CENPF: variants seen among roughly 807,000 people sequenced by gnomAD.
CENPF encodes the protein AH antigen.
In CENPF, 214 loss-of-function variants were observed where a neutral mutation model predicts 307.3. The ratio of observed to expected loss-of-function variants is 0.70; its 90% confidence interval spans 0.62 to 0.78. The LOEUF (loss-of-function observed/expected upper bound fraction) is 0.78, where lower values mean the gene tolerates loss of function less well. Ranked by LOEUF, CENPF falls within the 30% of genes least tolerant of loss-of-function variation. The pLI, the probability that CENPF is intolerant of heterozygous loss-of-function variation, is 0.00. For synonymous variants in CENPF, 1,259 were observed against 1,270.6 expected (o/e 0.99, Z 0.19); for missense variants, 3,401 against 3,483.9 (o/e 0.98, Z 0.60).
intron 3 of CENPF, among the ~76,000 whole-genome samples, chr1:214,616,043 G>T (rs572609534): frequency 6.6e-6 from 1 of 152,182 alleles, no homozygotes; most frequent in African/African-American, 2.4e-5. Flanking sequence ...CACTGATTAG[G>T]TTTCTGGAAG....
At chr1:214,655,802 G>T (rs1035021399) in intron 17 of CENPF, among the ~76,000 whole-genome samples, 8 of 152,260 alleles carry the variant, frequency 5.3e-5, no homozygotes, top group Middle Eastern at 6.8e-3. Flanking sequence ...TGTTGCCCAG[G>T]CTGGTCTTGA....
At position 214,658,841 on chromosome 1, in the gene CENPF, T is replaced by TAAAAA; in HGVS notation, c.8963-9_8963-8insAAAAA. On this transcript the variant is annotated splice_polypyrimidine_tract_variant and intron_variant, in intron 18 of 19. Transcript: ENST00000366955. The stretch of plus-strand genomic sequence containing the variant: ...TAGCAGTGCTGACAGTTATTTTTTT[T>TAAAAA]GCCCTTAGGGTTTGCTGACATCCCG... 6.2e-7 allele frequency: 1 copy of TAAAAA among 1,613,044 alleles called. No individual in the cohort carries two copies. Among genetic ancestry groups the TAAAAA allele is most frequent in the Non-Finnish European group, 8.5e-7 (1 of 1,179,342 alleles).
intron 15 of CENPF, among the ~76,000 whole-genome samples, chr1:214,652,627 A>G (rs536749754): frequency 1.5e-4 from 19 of 124,600 alleles, no homozygotes; most frequent in Admixed American, 3.8e-4. Flanking sequence ...TATTTTTAGT[A>G]GAGACAGGGG....
At position 214,641,717 on chromosome 1, in the gene CENPF, G is replaced by A; in HGVS notation, c.3379G>A (p.Gly1127Ser). The A allele has an allele frequency of 1.9e-6, 3 of 1,579,376 alleles. No homozygotes were observed. The highest frequency in any genetic ancestry group is 2.4e-5 in the South Asian group (2 of 84,606). The change falls in exon 12 of 20, where the codon GGT becomes AGT. Residue 1127 changes from glycine (G) to serine (S), a missense_variant. Coordinates refer to ENST00000366955, the MANE Select transcript of CENPF (RefSeq NM_016343.4). Reference sequence around the variant, plus strand: ...AAACAATTCTAAGAGCGAGGCTGGTGGTTTAAAGCAAGAAATCATGACTTT... The same window carrying A: ...AAACAATTCTAAGAGCGAGGCTGGTAGTTTAAAGCAAGAAATCATGACTTT... Reference protein sequence around the residue: ...NQNNSKSEAGGLKQEIMTLKE... With the variant: ...NQNNSKSEAGSLKQEIMTLKE...
chr1:214,613,902 A>G lies in CENPF; in HGVS notation c.148A>G (p.Lys50Glu). 6.2e-7 allele frequency: 1 copy of G among 1,609,694 alleles called. No individual in the cohort carries two copies. Among genetic ancestry groups the G allele is most frequent in the Non-Finnish European group, 8.5e-7 (1 of 1,178,758 alleles). Residue 50 changes from lysine to glutamate, a missense_variant, in exon 2 of 20, where the codon AAG (lysine) becomes GAG (glutamate). Lys to Glu is a moderately conservative substitution (Grantham distance 56). Transcript: ENST00000366955. ...TGACAGTCTCGAGGCTGCGCTGCAG[A>G]AGCAAAAACAGAAGGTACCCCTGAA... ...QLDSLEAALQKQKQKVENEKT... is the reference protein window; with the variant it reads ...QLDSLEAALQEQKQKVENEKT...
intron 8 of CENPF, among the ~76,000 whole-genome samples, chr1:214,629,719 T>C (rs1188839508): frequency 6.6e-6 from 1 of 151,948 alleles, no homozygotes; most frequent in Non-Finnish European, 1.5e-5. Flanking sequence ...ACCTGGCTAA[T>C]TTTTGTATTT....
rs534369554 is a variant in CENPF, at chr1:214,627,436, C to T, written c.1069-1610C>T. Among the ~76,000 whole-genome samples, 67 of 130,168 alleles carry T rather than the reference C, an allele frequency of 5.1e-4. 1 individual carries two copies. Among genetic ancestry groups the T allele is most frequent in the South Asian group, 1.3e-3 (5 of 3,774 alleles). The allele number at this position is 130,168 out of a possible 152,430, so 85.4% of individuals were successfully genotyped here. ...CTGCCCAGGCTTGAGTGCAATGGTG[C>T]AATCTTGGCTCACTGCAACCTCCGC... On this transcript the variant is annotated intron_variant, in intron 7 of 19. Transcript: ENST00000366955.
chr1:214,630,488 C>T lies in CENPF; in HGVS notation c.1195-46C>T, dbSNP rs748016679. Reference sequence around the variant, plus strand: ...GCTCATGCCTCACCCTGGAGTCTCCCTAGCGAACCATCATCAGGCTGATGC... The same window carrying T: ...GCTCATGCCTCACCCTGGAGTCTCCTTAGCGAACCATCATCAGGCTGATGC... On this transcript the variant is annotated intron_variant, in intron 8 of 19. Coordinates refer to ENST00000366955, the MANE Select transcript of CENPF (RefSeq NM_016343.4). 1.3e-5 allele frequency: 21 copies of T among 1,610,234 alleles called. No homozygotes were observed. The East Asian group carries it at 4.5e-4, about 34-fold the overall frequency.
intron 1 of CENPF, among the ~76,000 whole-genome samples, chr1:214,611,383 A>G (rs1011451367): frequency 6.7e-6 from 1 of 149,124 alleles, no homozygotes; most frequent in Non-Finnish European, 1.5e-5. Context: ...TTTTTTTTTG[A>G]GATGGAGTTT....
chr1:214,604,938 A>T (rs1162342185), intron 1 of CENPF, among the ~76,000 whole-genome samples: 1 of 151,920 alleles, frequency 6.6e-6, no homozygotes, highest in Middle Eastern at 3.2e-3. Context: ...CTCCCTCTTA[A>T]TTTTTTTTAT....
rs368665391 is a variant in CENPF, at chr1:214,630,634, A to G, written c.1295A>G (p.His432Arg). Residue 432 changes from histidine (H) to arginine (R), a missense_variant, in exon 9 of 20, where the codon CAC becomes CGC. Coordinates refer to ENST00000366955, the MANE Select transcript of CENPF (RefSeq NM_016343.4). ...GAGTTACAGCAAGCCAAGAATATGC[A>G]CAACGTCCTGCAGGCTGAACTGGAT... ...TQELQQAKNM[H>R]NVLQAELDKL... 1.1e-5 allele frequency: 17 copies of G among 1,614,072 alleles called. No individual in the cohort carries two copies. The African/African-American group carries it at 2.1e-4, about 20-fold the overall frequency.
chr1:214,612,284 C>T (rs1379690370), intron 1 of CENPF, among the ~76,000 whole-genome samples: 1 of 152,020 alleles, frequency 6.6e-6, no homozygotes, highest in Non-Finnish European at 1.5e-5. Context: ...TATTGATTTG[C>T]GTATGTTGAA....
rs774567968 is a variant in CENPF at position 214,645,900 on chromosome 1, A to G, written c.6330A>G (p.Thr2110=). 9 of 1,614,062 alleles carry G rather than the reference A, an allele frequency of 5.6e-6. No homozygotes were observed. In the South Asian group the frequency reaches 8.8e-5, roughly 16 times the overall value. The change falls in exon 13 of 20, where the codon ACA becomes ACG. Residue 2110 remains threonine, a synonymous_variant. Transcript: ENST00000366955. ...KGEFALRLSS[T]QEEVHQLRRG... ...AGTTCGCATTGAGGCTGAGCTCAACACAGGAGGAAGTGCATCAGCTGAGAA... is the reference window on the plus strand; with the variant it reads ...AGTTCGCATTGAGGCTGAGCTCAACGCAGGAGGAAGTGCATCAGCTGAGAA...
rs774916659 is a variant in CENPF, at chr1:214,640,223, C to T, written c.1885C>T (p.Leu629Phe). Residue 629 changes from leucine (L) to phenylalanine (F), a missense_variant, in exon 12 of 20, where the codon CTT becomes TTT. Physicochemically the swap from Leu to Phe is conservative, Grantham distance 22. Transcript: ENST00000366955. ...FSCWKSENEK[L>F]LTQMESEKEN... ...TTGTTGGAAAAGTGAAAACGAAAAA[C>T]TTTTAACTCAGATGGAATCAGAAAA... 98 of 1,607,398 alleles carry T rather than the reference C, an allele frequency of 6.1e-5. No individual in the cohort carries two copies. The highest frequency in any genetic ancestry group is 8.1e-5 in the Non-Finnish European group (95 of 1,178,524).
In CENPF at chr1:214,657,007, AC is replaced by A; in HGVS notation, c.8562del (p.Lys2855ArgfsTer15). The A allele has an allele frequency of 6.2e-7, 1 of 1,613,762 alleles. No homozygotes were observed. The highest frequency in any genetic ancestry group is 1.1e-5 in the South Asian group (1 of 91,066). ...KELKETLEEK[T>X]KEADEYLDKY... is the part of the protein sequence containing the mutation. Reference sequence around the variant, plus strand: ...ACTGAAAGAAACTCTTGAAGAAAAAACCAAGGAGGCAGATGAATACTTGGAT... The same window carrying A: ...ACTGAAAGAAACTCTTGAAGAAAAAACAAGGAGGCAGATGAATACTTGGAT... On this transcript the variant is annotated frameshift_variant, in exon 18 of 20. Coordinates refer to ENST00000366955, the MANE Select transcript of CENPF (RefSeq NM_016343.4). LOFTEE classifies it high-confidence loss of function.
rs1417015095 is a variant in CENPF, at chr1:214,642,606, A to G, written c.4268A>G (p.Asp1423Gly). The G allele has an allele frequency of 1.2e-6, 2 of 1,612,360 alleles. No individual in the cohort carries two copies. The highest frequency in any genetic ancestry group is 2.7e-5 in the African/African-American group (2 of 74,874). ...CAAAGTGAACACAAAATTTTACATG[A>G]TCAGCACTGTCAGATGAGCTCTAAA... ...SLQSEHKILH[D>G]QHCQMSSKMS... The change falls in exon 12 of 20, where the codon GAT becomes GGT. Residue 1423 changes from aspartate to glycine, a missense_variant. By Grantham distance (94) the Asp-to-Gly change is moderately conservative (BLOSUM62 -1). Coordinates refer to ENST00000366955, the MANE Select transcript of CENPF (RefSeq NM_016343.4).
chr1:214,614,671 A>T (rs187049732), intron 2 of CENPF, among the ~76,000 whole-genome samples, 161 bp from the exon 3 acceptor site: 1 of 152,274 alleles, frequency 6.6e-6, no homozygotes, highest in East Asian at 1.9e-4. Flanking sequence ...TTTCCTATCT[A>T]TTGGCTTCAA....
At chr1:214,621,407 C>G (rs921125270) in intron 6 of CENPF, among the ~76,000 whole-genome samples, 1 of 152,206 alleles carries the variant, frequency 6.6e-6, no homozygotes, top group African/African-American at 2.4e-5. Flanking sequence ...CTGTGCCACG[C>G]TGCAGCTGAC....
intron 2 of CENPF, among the ~76,000 whole-genome samples, chr1:214,614,444 G>C (rs1231676935): frequency 6.6e-6 from 1 of 152,180 alleles, no homozygotes; most frequent in Non-Finnish European, 1.5e-5. Context: ...CAACTAAATA[G>C]TGATACAGTC....
Sources: allele counts gnomAD v4.1 joint callset (sites outside exome capture counted in the v4.1 genomes callset), GRCh38; gene constraint gnomAD v4.1.1; transcripts MANE v1.5; gene names NCBI Gene and HGNC (gene_info 2026-07-23, HGNC 2026-07-21).